The following PECAM1 variants were observed in gnomAD, a reference collection of about 807,000 sequenced individuals.
PECAM1 encodes platelet endothelial cell adhesion molecule.
Under a neutral mutation model 13.8 loss-of-function variants are expected in PECAM1, and 8 were observed. The ratio of observed to expected loss-of-function variants is 0.58; its 90% CI spans 0.34 to 1.05. The LOEUF is 1.05. PECAM1 is among the 50% of genes least tolerant of loss of function. The probability of loss-of-function intolerance (pLI) is 0.03; values close to 1 mark genes in which losing one functional copy is unlikely to be tolerated. For synonymous variants in PECAM1, 136 were observed against 52.6 expected, an observed-to-expected ratio of 2.58 and a Z score of -6.86; for missense variants, 304 against 141.2, an observed-to-expected ratio of 2.15 and a Z score of -5.84.
At chr17:64,335,605 T>A (rs2035256200) in intron 14 of PECAM1, among the ~76,000 whole-genome samples, 3 of 152,120 alleles carry the variant, frequency 2.0e-5, no homozygotes, top group Non-Finnish European at 4.4e-5. Flanking sequence ...GCCCCCTGGG[T>A]TCAGTCCTTG....
At chr17:64,350,602 A>ATTTGACCT in intron 11 of PECAM1, among the ~76,000 whole-genome samples, 169 bp from the exon 12 acceptor site, 1 of 149,732 alleles carries the variant, frequency 6.7e-6, no homozygotes, top group Non-Finnish European at 1.5e-5. Context: ...TGTGGGCTCC[A>ATTTGACCT]TTTGACCTGC....
rs1466803785 is a variant in PECAM1 at position 64,390,502 on chromosome 17, C to T, written c.78G>A (p.Glu26=). ...LLTLLLCSSL[E]GQENSFTINS... ...CATCAGACTTACAGTTTTCTTGACC[C>T]TCAAGGCTTGAACCTGCAAGAAACA... The change falls in exon 2 of 16, where the codon GAG becomes GAA. Residue 26 remains glutamate, a synonymous_variant. Transcript: ENST00000563924. The T allele has an allele frequency of 1.1e-5, 5 of 474,072 alleles. No individual in the cohort carries two copies. The highest frequency in any genetic ancestry group is 7.9e-5 in the African/African-American group (4 of 50,492). The allele number at this position is 474,072 out of a possible 1,614,324, so 29.4% of individuals were successfully genotyped here.
At chr17:64,337,235 TA>T (rs1267544443) in intron 14 of PECAM1, among the ~76,000 whole-genome samples, 2 of 152,134 alleles carry the variant, frequency 1.3e-5, no homozygotes, top group African/African-American at 4.8e-5. Flanking sequence ...GCAGGTTCCC[TA>T]ATGGTCTGCC....
intron 8 of PECAM1, 89 bp downstream of exon 8, chr17:64,356,021 TC>T (rs143239830): frequency 0.016 from 7,678 of 471,706 alleles, 512 homozygotes; most frequent in African/African-American, 0.14. Flanking sequence ...TAAGCTAGAC[TC>T]CCCCCCAACT....
intron 14 of PECAM1, among the ~76,000 whole-genome samples, chr17:64,334,216 C>G (rs1251634340): frequency 1.3e-5 from 2 of 152,000 alleles, no homozygotes; most frequent in Admixed American, 1.3e-4. Context: ...CCATCAAACT[C>G]AAGTCCCCCG....
At position 64,323,068 on chromosome 17, in the gene PECAM1, G is replaced by T. The variant is rs906838571; in HGVS notation, c.*748C>A. On this transcript the variant is annotated 3_prime_UTR_variant, in exon 16 of 16. Coordinates refer to ENST00000563924, the MANE Select transcript of PECAM1 (RefSeq NM_000442.5). ...ATACACATTTCAAGTTTTCAATTAA[G>T]AATAATATTTGCTGATGGCACCATC... is the stretch of plus-strand genomic sequence containing the variant. 5 of 984,526 alleles carry T rather than the reference G, an allele frequency of 5.1e-6. No individual in the cohort carries two copies. The highest frequency in any genetic ancestry group is 6.0e-6 in the Non-Finnish European group (5 of 829,210). 61.0% of individuals were successfully genotyped at this position (984,526 alleles called of 1,614,324 possible). A position where few individuals can be genotyped will look rare whatever the true frequency, so the allele number is the denominator to read the frequency against.
intron 14 of PECAM1, among the ~76,000 whole-genome samples, chr17:64,338,816 C>A (rs2035351174): frequency 6.6e-6 from 1 of 152,164 alleles, no homozygotes; most frequent in South Asian, 2.1e-4. Context: ...GCCTCGGCCT[C>A]CCAAAGTGCT....
At chr17:64,376,254 G>C (rs1598049096) in intron 3 of PECAM1, among the ~76,000 whole-genome samples, 2 of 152,018 alleles carry the variant, frequency 1.3e-5, no homozygotes, top group Non-Finnish European at 2.9e-5. Flanking sequence ...GCAGTGAGCT[G>C]AGATCGTGCC....
intron 11 of PECAM1, among the ~76,000 whole-genome samples, chr17:64,350,695 G>A (rs118196933): frequency 0.021 from 3,176 of 147,824 alleles, 46 homozygotes; most frequent in Non-Finnish European, 0.034. Context: ...AGGCTGGAGT[G>A]CAGTGGTGCG....
Position 64,341,625 on chromosome 17 carries a change from C to A in PECAM1, c.2164+9G>T. On this transcript the variant is annotated intron_variant, in intron 14 of 15. Transcript: ENST00000563924. ...CCCCCAGGCTGGGGCACTGGAGACC[C>A]TCACTCACCAGGGACAGCTTTCCGG... The A allele has an allele frequency of 2.2e-6, 1 of 450,448 alleles. No individual in the cohort carries two copies. Among genetic ancestry groups the A allele is most frequent in the Non-Finnish European group, 4.0e-6 (1 of 247,088 alleles). The allele number at this position is 450,448 out of a possible 1,614,324, so 27.9% of individuals were successfully genotyped here.
chr17:64,348,402 C>A, intron 12 of PECAM1, 80 bp from the exon 13 acceptor site: 5 of 356,960 alleles, frequency 1.4e-5, no homozygotes, highest in South Asian at 1.3e-4. Flanking sequence ...TAGAGACTTT[C>A]TTTTCTTTTT....
intron 13 of PECAM1, among the ~76,000 whole-genome samples, chr17:64,343,501 G>C (rs1371511677): frequency 6.6e-6 from 1 of 152,140 alleles, no homozygotes; most frequent in African/African-American, 2.4e-5. Flanking sequence ...ACCTCCTATG[G>C]GGTGACAGCT....
intron 13 of PECAM1, among the ~76,000 whole-genome samples, chr17:64,344,132 G>A (rs988830631): frequency 1.3e-3 from 201 of 152,190 alleles, no homozygotes; most frequent in Admixed American, 2.7e-3. Flanking sequence ...GGCCCACAGT[G>A]GGGGCTGGGG....
intron 5 of PECAM1, among the ~76,000 whole-genome samples, chr17:64,368,015 T>C (rs1232266202): frequency 6.6e-6 from 1 of 152,196 alleles, no homozygotes; most frequent in African/African-American, 2.4e-5. Flanking sequence ...CACTCAATGC[T>C]TGACACATAG....
At chr17:64,346,281 CG>C (rs1460113001) in intron 13 of PECAM1, among the ~76,000 whole-genome samples, 6 of 152,126 alleles carry the variant, frequency 3.9e-5, no homozygotes, top group African/African-American at 1.4e-4. Context: ...CAGTGACCCC[CG>C]GGGACTGTGT....
chr17:64,323,989 G>T lies in PECAM1; in HGVS notation c.2188-144C>A, dbSNP rs782581545. ...ACACACTGGTCCCCCACCCTGCAGG[G>T]TTCTCTCTGTGACTTCAGAGGCCCA... On this transcript the variant is annotated intron_variant, in intron 15 of 15. Transcript: ENST00000563924. 9.7e-6 allele frequency: 8 copies of T among 821,690 alleles called. No individual in the cohort carries two copies. The Admixed American group carries it at 1.0e-4, about 11-fold the overall frequency. The allele number at this position is 821,690 out of a possible 1,614,324, so 50.9% of individuals were successfully genotyped here.
intron 14 of PECAM1, among the ~76,000 whole-genome samples, chr17:64,332,018 C>T (rs905476765): frequency 3.9e-5 from 6 of 152,232 alleles, no homozygotes; most frequent in Non-Finnish European, 7.3e-5. Flanking sequence ...GCCTGTCTGT[C>T]ACAGCGGGGG....
At chr17:64,380,782 T>A (rs1598053475) in intron 2 of PECAM1, among the ~76,000 whole-genome samples, 5 of 151,594 alleles carry the variant, frequency 3.3e-5, no homozygotes, top group Non-Finnish European at 7.4e-5. Context: ...AGGCCAGGAG[T>A]TCGAGATCAG....
In PECAM1 at chr17:64,378,017, G is replaced by A. The variant is rs1329337754; in HGVS notation, c.192C>T (p.Thr64=). The change falls in exon 3 of 16, where the codon ACC becomes ACT. Residue 64 remains threonine, a synonymous_variant. Coordinates refer to ENST00000563924, the MANE Select transcript of PECAM1 (RefSeq NM_000442.5). The part of the protein sequence containing the change: ...TLQCFADVST[T]SHVKPQHQML... ...TCTGGTGCTGAGGCTTGACGTGAGAGGTGGTGCTGACATCCGCGAAGCACT... is the reference window on the plus strand; with the variant it reads ...TCTGGTGCTGAGGCTTGACGTGAGAAGTGGTGCTGACATCCGCGAAGCACT... The A allele has an allele frequency of 2.1e-6, 1 of 475,346 alleles. No individual in the cohort carries two copies. Among genetic ancestry groups the A allele is most frequent in the Non-Finnish European group, 3.9e-6 (1 of 259,046 alleles). The allele number at this position is 475,346 out of a possible 1,614,324, so 29.4% of individuals were successfully genotyped here.
Sources: allele counts gnomAD v4.1 joint callset (sites outside exome capture counted in the v4.1 genomes callset), GRCh38; gene constraint gnomAD v4.1.1; transcripts MANE v1.5; gene names NCBI Gene and HGNC (gene_info 2026-07-23, HGNC 2026-07-21).